The following IL23R variants were observed in gnomAD, a reference collection of about 807,000 sequenced individuals.
The protein encoded by IL23R is interleukin 23 receptor.
In IL23R, 34 loss-of-function variants were observed where a neutral mutation model predicts 56.9. The observed-to-expected ratio is 0.60, with a 90% CI of 0.45 to 0.80. The LOEUF (loss-of-function observed/expected upper bound fraction) is 0.80. Ranked by LOEUF, IL23R falls within the 30% of genes least tolerant of loss-of-function variation. IL23R has a pLI of 0.00. For synonymous variants in IL23R, 230 were observed against 249.2 expected (o/e 0.92, Z 0.73); for missense variants, 635 against 730.0 (o/e 0.87, Z 1.50).
intron 6 of IL23R, among the ~76,000 whole-genome samples, chr1:67,213,657 GTAGCC>G (rs1225448059): frequency 6.6e-6 from 1 of 152,166 alleles, no homozygotes; most frequent in Non-Finnish European, 1.5e-5. Context: ...TTATAGGTTT[GTAGCC>G]TAGAAGCAAC....
chr1:67,148,781 A>G (rs1006497251), intron 1 of IL23R, among the ~76,000 whole-genome samples: 1 of 152,130 alleles, frequency 6.6e-6, no homozygotes, highest in Admixed American at 6.5e-5. Context: ...CAGTCATGTG[A>G]CTTTCTTTGA....
intron 3 of IL23R, among the ~76,000 whole-genome samples, chr1:67,181,175 A>G (rs1290720938): frequency 2.0e-5 from 3 of 152,064 alleles, no homozygotes; most frequent in Non-Finnish European, 2.9e-5. Context: ...CTGCCTTGCT[A>G]GATTTGGGAA....
intron 1 of IL23R, among the ~76,000 whole-genome samples, chr1:67,152,321 T>G (rs1646735521): frequency 6.6e-6 from 1 of 152,222 alleles, no homozygotes; most frequent in Non-Finnish European, 1.5e-5. Context: ...ATCCTGAGAC[T>G]GCTGAAGTTG....
chr1:67,264,287 G>A (rs1326993931), downstream of IL23R, among the ~76,000 whole-genome samples: 1 of 152,174 alleles, frequency 6.6e-6, no homozygotes, highest in Non-Finnish European at 1.5e-5. Flanking sequence ...CTTTGTTCAA[G>A]TTTATGTTCT....
At chr1:67,219,034 C>T (rs1208725807) in intron 6 of IL23R, among the ~76,000 whole-genome samples, 1 of 151,560 alleles carries the variant, frequency 6.6e-6, no homozygotes, top group Non-Finnish European at 1.5e-5. Context: ...TATAATATCA[C>T]ATTTGGACTT....
intron 9 of IL23R, among the ~76,000 whole-genome samples, chr1:67,251,756 G>A (rs1652639821): frequency 6.6e-6 from 1 of 152,136 alleles, no homozygotes; most frequent in African/African-American, 2.4e-5. Flanking sequence ...ATTGAACCCA[G>A]GCCACCACTG....
At chr1:67,167,116 T>C (rs1646882328) in intron 1 of IL23R, among the ~76,000 whole-genome samples, 1 of 152,052 alleles carries the variant, frequency 6.6e-6, no homozygotes, top group Non-Finnish European at 1.5e-5. Context: ...TTTTAGGGGG[T>C]GCGGGGGACA....
intron 1 of IL23R, among the ~76,000 whole-genome samples, chr1:67,156,606 G>T (rs1262308637): frequency 6.6e-6 from 1 of 152,202 alleles, no homozygotes; most frequent in African/African-American, 2.4e-5. Context: ...TCTCCTTAGG[G>T]CTGTTAGGGG....
At chr1:67,181,784 A>T (rs192370009) in intron 3 of IL23R, among the ~76,000 whole-genome samples, 1 of 152,098 alleles carries the variant, frequency 6.6e-6, no homozygotes, top group Non-Finnish European at 1.5e-5. Flanking sequence ...TTGGTCTTTG[A>T]TGATGGTGAT....
intron 6 of IL23R, chr1:67,207,701 A>G (rs1462774520): frequency 3.2e-6 from 1 of 317,288 alleles, no homozygotes; most frequent in East Asian, 9.5e-5. Context: ...GTGGAACTGT[A>G]AGTCCAATTA....
intron 1 of IL23R, 43 bp from the exon 2 acceptor site, chr1:67,168,049 C>G: frequency 9.2e-7 from 1 of 1,086,264 alleles, no homozygotes; most frequent in South Asian, 1.3e-5. Flanking sequence ...TATTATTTTA[C>G]TAAAATACTA....
At chr1:67,226,447 G>A (rs1415233308) in intron 7 of IL23R, among the ~76,000 whole-genome samples, 1 of 152,164 alleles carries the variant, frequency 6.6e-6, no homozygotes, top group African/African-American at 2.4e-5. Flanking sequence ...TGGCTGTCCA[G>A]CGGCCGATCT....
chr1:67,207,919 C>A (rs532083919), intron 6 of IL23R, among the ~76,000 whole-genome samples: 1 of 152,258 alleles, frequency 6.6e-6, no homozygotes, highest in South Asian at 2.1e-4. Context: ...TTGGAACTTC[C>A]TGGAGACTTG....
chr1:67,210,351 G>A (rs1183106467), intron 6 of IL23R, among the ~76,000 whole-genome samples: 1 of 152,100 alleles, frequency 6.6e-6, no homozygotes, highest in African/African-American at 2.4e-5. Flanking sequence ...TTCCAATTTT[G>A]ATATATTTTA....
intron 3 of IL23R, among the ~76,000 whole-genome samples, chr1:67,179,201 T>A (rs983976261): frequency 2.0e-5 from 3 of 152,124 alleles, no homozygotes; most frequent in African/African-American, 7.2e-5. Flanking sequence ...GGTACCAGCT[T>A]CTTCTTGTAC....
At chr1:67,153,425 GT>G (rs199812697) in intron 1 of IL23R, among the ~76,000 whole-genome samples, 1 of 151,974 alleles carries the variant, frequency 6.6e-6, no homozygotes, top group Non-Finnish European at 1.5e-5. Flanking sequence ...TTTTTGAAGG[GT>G]TTTTTGTGTC....
intron 1 of IL23R, among the ~76,000 whole-genome samples, chr1:67,143,148 G>A (rs1558213753): frequency 6.6e-6 from 1 of 152,018 alleles, no homozygotes; most frequent in Non-Finnish European, 1.5e-5. Flanking sequence ...AAAACTTAGG[G>A]TAAATATCCT....
intron 10 of IL23R, 124 bp from the exon 11 acceptor site, chr1:67,258,354 C>A: frequency 4.6e-6 from 3 of 655,598 alleles, no homozygotes; most frequent in South Asian, 2.4e-5. Context: ...GGAAGATAAA[C>A]AATATGAGAA....
intron 1 of IL23R, among the ~76,000 whole-genome samples, chr1:67,153,266 T>C (rs1433893871): frequency 6.6e-6 from 1 of 152,188 alleles, no homozygotes; most frequent in Non-Finnish European, 1.5e-5. Context: ...TGATGGTAGT[T>C]TGTATTTCTG....
Sources: gnomAD v4.1 joint callset for allele counts (sites outside exome capture counted in the v4.1 genomes callset) on GRCh38, gnomAD v4.1.1 for gene constraint, MANE v1.5 for transcripts, NCBI Gene and HGNC (gene_info 2026-07-23, HGNC 2026-07-21) for gene names.